CERS6: variants seen among roughly 807,000 people sequenced by gnomAD.
CERS6 encodes the protein LAG1 homolog, ceramide synthase 6.
CERS6 carries 26 observed loss-of-function variants against 56.8 expected under a neutral mutation model. The observed-to-expected ratio is 0.46, with a 90% CI of 0.34 to 0.63. CERS6 has a LOEUF of 0.63. Among genes scored for constraint, CERS6 ranks in the 30% least tolerant of loss-of-function variants. The probability of loss-of-function intolerance (pLI) is 0.01; values close to 1 mark genes in which losing one functional copy is unlikely to be tolerated. For missense variants in CERS6, 415 were observed against 467.5 expected (o/e 0.89, Z 1.04); for synonymous variants, 164 against 173.3 (o/e 0.95, Z 0.42).
intron 1 of CERS6, among the ~76,000 whole-genome samples, chr2:168,490,179 G>C (rs1694344841): frequency 6.6e-6 from 1 of 152,178 alleles, no homozygotes; most frequent in East Asian, 1.9e-4. Flanking sequence ...TTCTAGATCT[G>C]TGTCATGCAT....
chr2:168,677,102 G>A (rs965571249), intron 4 of CERS6, among the ~76,000 whole-genome samples: 2 of 149,996 alleles, frequency 1.3e-5, no homozygotes, highest in African/African-American at 2.5e-5. Context: ...CATGTGCCAT[G>A]GTGGTTTGCT....
At chr2:168,618,359 A>G (rs573538120) in intron 3 of CERS6, among the ~76,000 whole-genome samples, 3 of 152,304 alleles carry the variant, frequency 2.0e-5, no homozygotes, top group South Asian at 2.1e-4. Context: ...TCTCTTCAAC[A>G]TAGTACTGGA....
At position 168,518,200 on chromosome 2, in the gene CERS6, A is replaced by G. The variant is rs936602716; in HGVS notation, c.171-29396A>G. ...TGTGCTGTAAAATCGAGCTGGCTCTACTACACAACCTAACATTTGATTATA... is the reference window on the plus strand; with the variant it reads ...TGTGCTGTAAAATCGAGCTGGCTCTGCTACACAACCTAACATTTGATTATA... On this transcript the variant is annotated intron_variant, in intron 1 of 9. Coordinates refer to ENST00000305747, the MANE Select transcript of CERS6 (RefSeq NM_203463.3). Among the ~76,000 whole-genome samples the G allele has an allele frequency of 2.0e-5, 3 of 152,220 alleles. No individual in the cohort carries two copies. In the East Asian group the frequency reaches 5.8e-4, roughly 29 times the overall value.
intron 4 of CERS6, among the ~76,000 whole-genome samples, chr2:168,688,463 A>G (rs1298398148): frequency 6.6e-6 from 1 of 151,838 alleles, no homozygotes; most frequent in Non-Finnish European, 1.5e-5. Flanking sequence ...CAGCCAATCC[A>G]GATTCATACA....
intron 4 of CERS6, among the ~76,000 whole-genome samples, chr2:168,677,561 G>C (rs557334984): frequency 1.3e-5 from 2 of 152,018 alleles, no homozygotes; most frequent in Non-Finnish European, 2.9e-5. Context: ...GCAATGGCGC[G>C]ATCTTGGCTC....
chr2:168,715,845 TTAATA>T (rs1559064880), intron 7 of CERS6, among the ~76,000 whole-genome samples: 1 of 152,122 alleles, frequency 6.6e-6, no homozygotes, highest in African/African-American at 2.4e-5. Flanking sequence ...TATTAAGAAA[TTAATA>T]TAACTGGTCA....
chr2:168,615,602 A>G (rs1455004519), intron 3 of CERS6, among the ~76,000 whole-genome samples: 1 of 150,378 alleles, frequency 6.6e-6, no homozygotes, highest in Non-Finnish European at 1.5e-5. Context: ...ATAGAGTCGA[A>G]CAAGCAGAAA....
chr2:168,658,562 T>C (rs968110589), intron 4 of CERS6, among the ~76,000 whole-genome samples: 18 of 152,220 alleles, frequency 1.2e-4, no homozygotes, highest in Non-Finnish European at 1.5e-5. Flanking sequence ...ATCCCCAGCG[T>C]CAGGCGTGCT....
At chr2:168,687,847 G>A (rs1019234290) in intron 4 of CERS6, among the ~76,000 whole-genome samples, 19 of 152,080 alleles carry the variant, frequency 1.2e-4, no homozygotes, top group African/African-American at 4.6e-4. Flanking sequence ...GGGACTATAG[G>A]CATATGCCAC....
intron 1 of CERS6, among the ~76,000 whole-genome samples, chr2:168,462,367 T>C (rs2105317640): frequency 6.6e-6 from 1 of 152,292 alleles, no homozygotes; most frequent in East Asian, 1.9e-4. Context: ...AGTGATCCTT[T>C]CATATTAGCA....
intron 1 of CERS6, among the ~76,000 whole-genome samples, chr2:168,539,568 T>C (rs1483494653): frequency 6.6e-6 from 1 of 152,246 alleles, no homozygotes; most frequent in African/African-American, 2.4e-5. Flanking sequence ...AGGTAGGATT[T>C]AACAATATAC....
intron 4 of CERS6, among the ~76,000 whole-genome samples, chr2:168,643,392 C>T (rs767838281): frequency 1.3e-5 from 2 of 152,078 alleles, no homozygotes; most frequent in Non-Finnish European, 2.9e-5. Flanking sequence ...AATGATTCCC[C>T]ACTTACCTTT....
chr2:168,709,724 C>T (rs1687041939), intron 6 of CERS6, among the ~76,000 whole-genome samples: 1 of 152,142 alleles, frequency 6.6e-6, no homozygotes, highest in South Asian at 2.1e-4. Context: ...AATGTTCTTT[C>T]AGCCATGACT....
intron 8 of CERS6, among the ~76,000 whole-genome samples, chr2:168,759,914 T>C (rs929356561): frequency 1.3e-5 from 2 of 151,670 alleles, no homozygotes; most frequent in Non-Finnish European, 2.9e-5. Flanking sequence ...TTTGTACATA[T>C]GTGTTTTGTT....
chr2:168,724,180 G>C (rs1683272060), intron 8 of CERS6, among the ~76,000 whole-genome samples: 1 of 152,078 alleles, frequency 6.6e-6, no homozygotes. Flanking sequence ...TGGCTCAGGA[G>C]TGAAGCTGCA....
At chr2:168,479,664 A>G (rs1694141380) in intron 1 of CERS6, among the ~76,000 whole-genome samples, 1 of 152,112 alleles carries the variant, frequency 6.6e-6, no homozygotes, top group Non-Finnish European at 1.5e-5. Flanking sequence ...GCTGGAGTGC[A>G]ATGGCGCGAT....
intron 4 of CERS6, among the ~76,000 whole-genome samples, chr2:168,678,168 T>C (rs1407995195): frequency 6.6e-6 from 1 of 152,224 alleles, no homozygotes; most frequent in Non-Finnish European, 1.5e-5. Flanking sequence ...TCAGTACAAA[T>C]ATCAACACAG....
intron 1 of CERS6, among the ~76,000 whole-genome samples, chr2:168,541,480 CTTTTTTTTTTT>C (rs1430225647): frequency 3.4e-4 from 49 of 145,228 alleles, no homozygotes; most frequent in Admixed American, 1.1e-3. Context: ...TTTTTTCTTT[CTTTTTTTTTTT>C]CAGATTGCAT....
intron 6 of CERS6, among the ~76,000 whole-genome samples, chr2:168,710,767 A>T (rs1687069082): frequency 6.6e-6 from 1 of 152,254 alleles, no homozygotes; most frequent in Non-Finnish European, 1.5e-5. Flanking sequence ...TTTCAGAAGT[A>T]GGTAAAACTG....
Sources: gnomAD v4.1 joint callset for allele counts (sites outside exome capture counted in the v4.1 genomes callset) on GRCh38, gnomAD v4.1.1 for gene constraint, MANE v1.5 for transcripts, NCBI Gene and HGNC (gene_info 2026-07-23, HGNC 2026-07-21) for gene names.